ELAVL3: variants seen among roughly 807,000 people sequenced by gnomAD.
ELAVL3 encodes the protein ELAV like RNA binding protein 3, also known as ELAV-like protein 3.
Under a neutral mutation model 34.2 loss-of-function variants are expected in ELAVL3, and 8 were observed. That is an observed-to-expected ratio of 0.23 (90% CI 0.14 to 0.42). ELAVL3 has a LOEUF of 0.42. Among genes scored for constraint, ELAVL3 ranks in the 10% least tolerant of loss-of-function variants. ELAVL3 has a pLI of 1.00. For missense variants in ELAVL3, 273 were observed against 518.8 expected, an observed-to-expected ratio of 0.53 and a Z score of 4.60; for synonymous variants, 209 against 222.1, an observed-to-expected ratio of 0.94 and a Z score of 0.53.
chr19:11,468,689 G>A (rs1439963937), intron 1 of ELAVL3, among the ~76,000 whole-genome samples: 2 of 151,704 alleles, frequency 1.3e-5, no homozygotes, highest in Non-Finnish European at 2.9e-5. Flanking sequence ...GCCTGCCAAA[G>A]TGCTGGGATT....
At chr19:11,464,101 C>T (rs935761932) in intron 3 of ELAVL3, among the ~76,000 whole-genome samples, 1 of 142,928 alleles carries the variant, frequency 7.0e-6, no homozygotes, top group Non-Finnish European at 1.5e-5. Flanking sequence ...CTCTCTCCCT[C>T]TCTCTCTCTC....
In ELAVL3 at chr19:11,474,291, C is replaced by T. The variant is rs189186570; in HGVS notation, c.9+6309G>A. Among the ~76,000 whole-genome samples, 14 of 152,078 alleles carry T rather than the reference C, an allele frequency of 9.2e-5. No individual in the cohort carries two copies. In the East Asian group the frequency reaches 2.7e-3, roughly 29 times the overall value. ...CAAGTGATCCTCCCACCTTAGTTTC[C>T]CAAAGTGCTAAGGATTCAGTTGTAG... On this transcript the variant is annotated intron_variant, in intron 1 of 6. Coordinates refer to ENST00000359227, the MANE Select transcript of ELAVL3 (RefSeq NM_001420.4).
intron 1 of ELAVL3, among the ~76,000 whole-genome samples, chr19:11,471,808 A>G (rs1971169834): frequency 6.6e-6 from 1 of 152,046 alleles, no homozygotes; most frequent in Non-Finnish European, 1.5e-5. Context: ...ACAACTCACT[A>G]TGCGTCTTTG....
chr19:11,471,078 C>A (rs770312286), intron 1 of ELAVL3, among the ~76,000 whole-genome samples: 1 of 151,698 alleles, frequency 6.6e-6, no homozygotes, highest in Non-Finnish European at 1.5e-5. Context: ...TTTGGGAGGC[C>A]GAGGTGGGCG....
intron 5 of ELAVL3, among the ~76,000 whole-genome samples, chr19:11,457,436 G>A (rs1269907237): frequency 1.3e-5 from 2 of 152,310 alleles, no homozygotes; most frequent in South Asian, 2.1e-4. Flanking sequence ...GGATCCCTGG[G>A]GAAAGATAAC....
intron 3 of ELAVL3, among the ~76,000 whole-genome samples, chr19:11,460,514 C>T (rs1223043823): frequency 6.6e-6 from 1 of 152,112 alleles, no homozygotes; most frequent in African/African-American, 2.4e-5. Context: ...TTCCCCATGA[C>T]ATCCTTGCCC....
intron 3 of ELAVL3, among the ~76,000 whole-genome samples, chr19:11,462,931 C>T (rs1970921139): frequency 6.9e-6 from 1 of 145,630 alleles, no homozygotes; most frequent in Non-Finnish European, 1.5e-5. Flanking sequence ...TACTGCATTC[C>T]AGCCTGGGTG....
intron 1 of ELAVL3, among the ~76,000 whole-genome samples, chr19:11,472,426 C>A (rs1568386177): frequency 6.6e-6 from 1 of 152,104 alleles, no homozygotes; most frequent in Non-Finnish European, 1.5e-5. Context: ...TTAGGCAAGG[C>A]GTGCTGGCTC....
intron 3 of ELAVL3, among the ~76,000 whole-genome samples, chr19:11,460,362 T>TC (rs949034543): frequency 2.0e-4 from 21 of 106,596 alleles, no homozygotes; most frequent in Middle Eastern, 5.1e-3. Flanking sequence ...CCACTGTCTG[T>TC]CCCCCCTACG....
chr19:11,454,449 T>G lies in ELAVL3; in HGVS notation c.*77A>C. ...GCCTGTGCTGTCTCTCTTGGGCCCCTTCTCTCTCTCTCTCTCTCTTTCTCT... is the reference window on the plus strand; with the variant it reads ...GCCTGTGCTGTCTCTCTTGGGCCCCGTCTCTCTCTCTCTCTCTCTTTCTCT... On this transcript the variant is annotated 3_prime_UTR_variant, in exon 7 of 7. Transcript: ENST00000359227. The surrounding 1 kb of genome is among the most constrained non-coding windows in gnomAD (Gnocchi z 9.2). The G allele has an allele frequency of 1.8e-5, 19 of 1,053,902 alleles. No individual in the cohort carries two copies. Among genetic ancestry groups the G allele is most frequent in the East Asian group, 3.3e-5 (1 of 30,162 alleles). 65.3% of individuals were successfully genotyped at this position (1,053,902 alleles called of 1,614,324 possible). A position where few individuals can be genotyped will look rare whatever the true frequency, so the allele number is the denominator to read the frequency against.
At chr19:11,477,568 T>G (rs1971285057) in intron 1 of ELAVL3, among the ~76,000 whole-genome samples, 1 of 152,006 alleles carries the variant, frequency 6.6e-6, no homozygotes, top group Non-Finnish European at 1.5e-5. Context: ...GGAGATGGAT[T>G]CTGAATTTGC....
At chr19:11,479,509 G>C (rs992230162) in intron 1 of ELAVL3, among the ~76,000 whole-genome samples, 4 of 152,072 alleles carry the variant, frequency 2.6e-5, no homozygotes, top group African/African-American at 4.8e-5. Context: ...GACGCGCGGC[G>C]GCGCGGGGAG....
chr19:11,460,275 A>G (rs311779), intron 3 of ELAVL3, among the ~76,000 whole-genome samples: 23,110 of 151,474 alleles, frequency 0.15, 3,409 homozygotes, highest in African/African-American at 0.39. Flanking sequence ...CCACTGTCCC[A>G]CCCTGGCCCA....
Position 11,454,469 on chromosome 19 carries a change from TTCTCTCTCTC to T in ELAVL3, c.*47_*56del. On this transcript the variant is annotated 3_prime_UTR_variant, in exon 7 of 7. Transcript: ENST00000359227. The surrounding 1 kb of genome is among the most constrained non-coding windows in gnomAD (Gnocchi z 9.2). Reference sequence around the variant, plus strand: ...GCCCCTTCTCTCTCTCTCTCTCTCTTTCTCTCTCTCTCTCTCTGCTGCCCGGGGAGGGGGT... The same window carrying T: ...GCCCCTTCTCTCTCTCTCTCTCTCTTTCTCTCTGCTGCCCGGGGAGGGGGT... The T allele has an allele frequency of 1.7e-6, 2 of 1,185,836 alleles. No individual in the cohort carries two copies. Among genetic ancestry groups the T allele is most frequent in the Non-Finnish European group, 2.3e-6 (2 of 879,604 alleles). The allele number at this position is 1,185,836 out of a possible 1,614,324, so 73.5% of individuals were successfully genotyped here. A position where few individuals can be genotyped will look rare whatever the true frequency, so the allele number is the denominator to read the frequency against.
rs1346999375 is a variant in ELAVL3, at chr19:11,458,585, T to C, written c.360A>G (p.Ala120=). ...CGTACAGGTTAGCATCCCGGATGGA[T>C]GCTGAACTGGGTCTGGCATAGGACA... is the stretch of plus-strand genomic sequence containing the variant. ...IKVSYARPSS[A]SIRDANLYVS... The change falls in exon 4 of 7, where the codon GCA becomes GCG. Residue 120 remains alanine, a synonymous_variant. Coordinates refer to ENST00000359227, the MANE Select transcript of ELAVL3 (RefSeq NM_001420.4). This position sits in a 1 kb window ranked among gnomAD's most constrained non-coding sequence, Gnocchi z 7.3. 1.2e-6 allele frequency: 2 copies of C among 1,613,996 alleles called. No homozygotes were observed. Among genetic ancestry groups the C allele is most frequent in the Non-Finnish European group, 8.5e-7 (1 of 1,180,020 alleles).
Position 11,454,943 on chromosome 19 carries a change from T to C in ELAVL3, c.753-66A>G. On this transcript the variant is annotated intron_variant, in intron 6 of 6. Coordinates refer to ENST00000359227, the MANE Select transcript of ELAVL3 (RefSeq NM_001420.4). The surrounding 1 kb of genome is among the most constrained non-coding windows in gnomAD (Gnocchi z 9.2). ...ATGCTTCTGACCCCGTTGTGACCCT[T>C]CACACCTTTATGACCCCTGACTGTG... is the stretch of plus-strand genomic sequence containing the variant. 3.3e-6 allele frequency: 5 copies of C among 1,503,204 alleles called. No individual in the cohort carries two copies. The highest frequency in any genetic ancestry group is 4.5e-6 in the Non-Finnish European group (5 of 1,120,174). The allele number at this position is 1,503,204 out of a possible 1,614,324, so 93.1% of individuals were successfully genotyped here.
chr19:11,476,550 GAA>G (rs112978353), intron 1 of ELAVL3, among the ~76,000 whole-genome samples: 5 of 143,650 alleles, frequency 3.5e-5, no homozygotes, highest in African/African-American at 5.0e-5. Flanking sequence ...ACTCTTAAGG[GAA>G]AAAAAAAAAA....
chr19:11,459,127 C>A (rs978212991), intron 3 of ELAVL3, among the ~76,000 whole-genome samples: 2 of 123,728 alleles, frequency 1.6e-5, no homozygotes, highest in African/African-American at 5.8e-5. Context: ...TTTTTTTTTT[C>A]TTTTTTTTTT....
intron 1 of ELAVL3, among the ~76,000 whole-genome samples, chr19:11,468,486 C>A (rs1971100667): frequency 1.3e-5 from 2 of 150,974 alleles, no homozygotes; most frequent in African/African-American, 4.9e-5. Context: ...ACGATCTTGG[C>A]TCACTGCCAC....
Sources: gnomAD v4.1 joint callset for allele counts (sites outside exome capture counted in the v4.1 genomes callset) on GRCh38, gnomAD v4.1.1 for gene constraint, Gnocchi (gnomAD v3.1) non-coding constraint, MANE v1.5 for transcripts, NCBI Gene and HGNC (gene_info 2026-07-23, HGNC 2026-07-21) for gene names.